The following SNAP25 variants were observed in gnomAD, a reference collection of about 807,000 sequenced individuals.
The protein encoded by SNAP25 is synaptosome associated protein 25.
Under a neutral mutation model 28.7 loss-of-function variants are expected in SNAP25, and 3 were observed. The observed-to-expected ratio is 0.10, with a 90% CI of 0.05 to 0.27. The LOEUF is 0.27. SNAP25 is among the 10% of genes least tolerant of loss of function. The probability of loss-of-function intolerance (pLI) is 1.00; values close to 1 mark genes in which losing one functional copy is unlikely to be tolerated. For synonymous variants in SNAP25, 61 were observed against 88.1 expected (o/e 0.69, Z 1.72); for missense variants, 117 against 278.7 (o/e 0.42, Z 4.13).
chr20:10,238,737 C>G (rs2062967912), intron 1 of SNAP25, among the ~76,000 whole-genome samples: 1 of 152,076 alleles, frequency 6.6e-6, no homozygotes, highest in African/African-American at 2.4e-5. Flanking sequence ...TAGTGAAACT[C>G]CGTCTCTACT....
At chr20:10,263,724 A>G (rs2063459726) in intron 1 of SNAP25, among the ~76,000 whole-genome samples, 1 of 152,226 alleles carries the variant, frequency 6.6e-6, no homozygotes, top group Non-Finnish European at 1.5e-5. Context: ...AGGATGGGGA[A>G]GGAAGAGACC....
intron 1 of SNAP25, among the ~76,000 whole-genome samples, chr20:10,271,928 A>G (rs2063601016): frequency 6.6e-6 from 1 of 152,158 alleles, no homozygotes; most frequent in African/African-American, 2.4e-5. Context: ...CCAGGAACCC[A>G]GCAGCAAAAT....
At chr20:10,263,828 T>C (rs1382402190) in intron 1 of SNAP25, among the ~76,000 whole-genome samples, 2 of 152,156 alleles carry the variant, frequency 1.3e-5, no homozygotes, top group African/African-American at 4.8e-5. Flanking sequence ...GCACTAACAG[T>C]AGCACTCTGT....
chr20:10,300,775 T>C (rs2064217485), intron 7 of SNAP25, among the ~76,000 whole-genome samples: 2 of 152,214 alleles, frequency 1.3e-5, no homozygotes, highest in African/African-American at 2.4e-5. Context: ...TGTGCTTTGC[T>C]TACTTTTGCA....
chr20:10,274,083 T>C (rs1288390124), intron 1 of SNAP25, among the ~76,000 whole-genome samples: 1 of 152,146 alleles, frequency 6.6e-6, no homozygotes. Flanking sequence ...TCCATCACTG[T>C]ATCCCTAGTG....
At position 10,293,417 on chromosome 20, in the gene SNAP25, A is replaced by G. The variant is rs778593899; in HGVS notation, c.281+139A>G. The G allele has an allele frequency of 8.6e-5, 55 of 639,424 alleles. No homozygotes were observed. Among genetic ancestry groups the G allele is most frequent in the Non-Finnish European group, 1.4e-4 (50 of 356,352 alleles). The allele number at this position is 639,424 out of a possible 1,614,324, so 39.6% of individuals were successfully genotyped here. A position where few individuals can be genotyped will look rare whatever the true frequency, so the allele number is the denominator to read the frequency against. ...GATCAATACCGTCTCCAATGCATTC[A>G]TCTCATAGCATAGATGATATTAGCA... is the stretch of plus-strand genomic sequence containing the variant. On this transcript the variant is annotated intron_variant, in intron 5 of 7. Coordinates refer to ENST00000254976, the MANE Select transcript of SNAP25 (RefSeq NM_130811.4). This position sits in a 1 kb window ranked among gnomAD's most constrained non-coding sequence, Gnocchi z 5.6.
intron 4 of SNAP25, chr20:10,292,785 C>G (rs1455945319): frequency 1.3e-6 from 1 of 772,698 alleles, no homozygotes; most frequent in African/African-American, 1.7e-5. Context: ...ATTGTAATAT[C>G]TCTCTTTCAA....
intron 4 of SNAP25, among the ~76,000 whole-genome samples, chr20:10,290,957 A>G (rs2063984969): frequency 6.6e-6 from 1 of 152,202 alleles, no homozygotes; most frequent in Non-Finnish European, 1.5e-5. Flanking sequence ...ACCTTGATCT[A>G]CAGACTAATT....
At chr20:10,297,074 G>A (rs1225533263) in intron 6 of SNAP25, 24 bp downstream of exon 6, 18 of 1,535,890 alleles carry the variant, frequency 1.2e-5, no homozygotes, top group East Asian at 2.3e-5. Flanking sequence ...AGCATACACT[G>A]TAGCAGTTCT....
intron 7 of SNAP25, among the ~76,000 whole-genome samples, chr20:10,305,846 G>A (rs138279722): frequency 1.1e-4 from 16 of 151,812 alleles, no homozygotes; most frequent in Admixed American, 5.2e-4. Context: ...ATAAGCCTAC[G>A]CTCTCTGGTA....
chr20:10,243,115 C>G (rs557227625), intron 1 of SNAP25, among the ~76,000 whole-genome samples: 1 of 152,168 alleles, frequency 6.6e-6, no homozygotes, highest in Non-Finnish European at 1.5e-5. Flanking sequence ...TCAGTGGTTT[C>G]CAGACCTTGC....
chr20:10,267,816 C>A (rs1373024452), intron 1 of SNAP25, among the ~76,000 whole-genome samples: 1 of 152,210 alleles, frequency 6.6e-6, no homozygotes, highest in Non-Finnish European at 1.5e-5. Context: ...TCCCAAAGTG[C>A]TGGGATTATA....
At chr20:10,236,138 C>T (rs1600656267) in intron 1 of SNAP25, among the ~76,000 whole-genome samples, 1 of 152,252 alleles carries the variant, frequency 6.6e-6, no homozygotes, top group African/African-American at 2.4e-5. Context: ...TGTGGCTACA[C>T]ATCTTCCACT....
At chr20:10,302,592 A>C (rs1419538016) in intron 7 of SNAP25, among the ~76,000 whole-genome samples, 1 of 152,160 alleles carries the variant, frequency 6.6e-6, no homozygotes, top group Non-Finnish European at 1.5e-5. Flanking sequence ...TTTGGTGGTC[A>C]TCCTGGCCTT....
In SNAP25 at chr20:10,275,067, A is replaced by G. The variant is rs1871646939; in HGVS notation, c.-63-362A>G. The stretch of plus-strand genomic sequence containing the variant: ...ATATCTGTTATACCTTAATAGAGCT[A>G]TTTAAATAAATAAATAAATAAATAA... On this transcript the variant is annotated intron_variant, in intron 1 of 7. Coordinates refer to ENST00000254976, the MANE Select transcript of SNAP25 (RefSeq NM_130811.4). Among the ~76,000 whole-genome samples the G allele has an allele frequency of 2.2e-5, 3 of 134,146 alleles. No homozygotes were observed. In the Admixed American group the frequency reaches 2.4e-4, roughly 11 times the overall value. The allele number at this position is 134,146 out of a possible 152,430, so 88.0% of individuals were successfully genotyped here.
chr20:10,248,185 T>C (rs1465846887), intron 1 of SNAP25, among the ~76,000 whole-genome samples: 3 of 152,196 alleles, frequency 2.0e-5, no homozygotes, highest in Admixed American at 2.0e-4. Context: ...CACACATGTG[T>C]GCACAGAAGC....
intron 1 of SNAP25, among the ~76,000 whole-genome samples, chr20:10,258,900 A>G (rs1201401406): frequency 1.3e-5 from 2 of 152,194 alleles, no homozygotes; most frequent in African/African-American, 4.8e-5. Flanking sequence ...AAATACTCCC[A>G]TAATGATCTA....
chr20:10,284,609 TTTTGG>T, intron 3 of SNAP25, 110 bp from the exon 4 acceptor site: 1 of 814,584 alleles, frequency 1.2e-6, no homozygotes, highest in South Asian at 1.4e-5. Flanking sequence ...CCCTTTTTTC[TTTTGG>T]TCCTTCTTCA....
intron 1 of SNAP25, among the ~76,000 whole-genome samples, chr20:10,255,940 T>TA (rs1470535880): frequency 2.6e-5 from 4 of 152,272 alleles, no homozygotes; most frequent in Non-Finnish European, 5.9e-5. Flanking sequence ...CAACATTATG[T>TA]AAAAAAACCT....
Sources: gnomAD v4.1 joint callset for allele counts (sites outside exome capture counted in the v4.1 genomes callset) on GRCh38, gnomAD v4.1.1 for gene constraint, Gnocchi (gnomAD v3.1) non-coding constraint, MANE v1.5 for transcripts, NCBI Gene and HGNC (gene_info 2026-07-23, HGNC 2026-07-21) for gene names.